ATAD2B: variants seen among roughly 807,000 people sequenced by gnomAD.
The protein encoded by ATAD2B is ATPase family AAA domain-containing protein 2B.
In ATAD2B, 40 loss-of-function variants were observed where a neutral mutation model predicts 167.6. That is an observed-to-expected ratio of 0.24 (90% CI 0.19 to 0.31). The LOEUF is 0.31. Among genes scored for constraint, ATAD2B ranks in the 10% least tolerant of loss-of-function variants. The pLI, the probability that ATAD2B is intolerant of heterozygous loss-of-function variation, is 1.00. For synonymous variants in ATAD2B, 579 were observed against 596.5 expected, an observed-to-expected ratio of 0.97 and a Z score of 0.43; for missense variants, 1,242 against 1,757.2, an observed-to-expected ratio of 0.71 and a Z score of 5.24.
At chr2:23,899,493 G>A (rs944115154) in intron 1 of ATAD2B, among the ~76,000 whole-genome samples, 5 of 152,140 alleles carry the variant, frequency 3.3e-5, no homozygotes, top group Admixed American at 1.3e-4. Context: ...TCAGCACAGG[G>A]TGGAAAATCA....
rs71310116 is a variant in ATAD2B, at chr2:23,878,025, A to AG, written c.902-2122_902-2121insC. ...ACCCTATCTCCAAAGAAAAAAAAAA[A>AG]AAAAAAAAAAAAAAGCAAAATGTAT... On this transcript the variant is annotated intron_variant, in intron 7 of 27. Transcript: ENST00000238789. Among the ~76,000 whole-genome samples the AG allele has an allele frequency of 1.8e-3, 188 of 106,972 alleles. 6 individuals carry two copies. The highest frequency in any genetic ancestry group is 2.7e-3 in the Non-Finnish European group (127 of 47,198). The allele number at this position is 106,972 out of a possible 152,430, so 70.2% of individuals were successfully genotyped here. A position where few individuals can be genotyped will look rare whatever the true frequency, so the allele number is the denominator to read the frequency against.
the ATAD2B span, chr2:23,703,245 C>G: frequency 6.5e-7 from 1 of 1,542,278 alleles, no homozygotes; most frequent in South Asian, 1.2e-5. Context: ...GCAGTACACT[C>G]TGCTGCAGCC....
Position 23,864,913 on chromosome 2 carries a change from A to G in ATAD2B, c.1200T>C (p.Asp400=). 1 of 1,583,660 alleles carries G rather than the reference A, an allele frequency of 6.3e-7. No individual in the cohort carries two copies. The highest frequency in any genetic ancestry group is 8.6e-7 in the Non-Finnish European group (1 of 1,166,868). Residue 400 remains aspartate, a synonymous_variant, in exon 11 of 28, where the codon GAT becomes GAC. Coordinates refer to ENST00000238789, the MANE Select transcript of ATAD2B (RefSeq NM_017552.4). ...PMNIDKSVRF[D]SIGGLSHHIH... ...TATGATGGCTCAATCCACCTATGCT[A>G]TCAAACCGTACCTTGGAAAGAAGGG...
intron 16 of ATAD2B, among the ~76,000 whole-genome samples, chr2:23,822,269 T>C (rs1048646103): frequency 1.3e-5 from 2 of 152,202 alleles, no homozygotes; most frequent in Non-Finnish European, 2.9e-5. Context: ...GCGCGATGAC[T>C]CACATCTCTA....
In ATAD2B at chr2:23,749,251, T is replaced by G. The variant is rs1446890268; in HGVS notation, c.*2795A>C. 1 of 151,850 alleles carries G rather than the reference T, an allele frequency of 6.6e-6. No homozygotes were observed. The highest frequency in any genetic ancestry group is 1.5e-5 in the Non-Finnish European group (1 of 67,944). 9.4% of individuals were successfully genotyped at this position (151,850 alleles called of 1,614,324 possible). Reference sequence around the variant, plus strand: ...GCCATCAGTTTCAACCCTAGTGCGGTTCCATCATCTTCAAAAAGCCCCCAG... The same window carrying G: ...GCCATCAGTTTCAACCCTAGTGCGGGTCCATCATCTTCAAAAAGCCCCCAG... On this transcript the variant is annotated 3_prime_UTR_variant, in exon 28 of 28. Coordinates refer to ENST00000238789, the MANE Select transcript of ATAD2B (RefSeq NM_017552.4).
intron 6 of ATAD2B, among the ~76,000 whole-genome samples, chr2:23,882,086 G>A (rs915822049): frequency 1.3e-5 from 2 of 152,150 alleles, no homozygotes; most frequent in South Asian, 2.1e-4. Context: ...CTAGCTGGAC[G>A]CAGAGGCACC....
At chr2:23,842,791 A>C (rs1013567681) in intron 13 of ATAD2B, among the ~76,000 whole-genome samples, 1 of 152,244 alleles carries the variant, frequency 6.6e-6, no homozygotes, top group African/African-American at 2.4e-5. Flanking sequence ...GATCTAGCTA[A>C]AGACAAAAGG....
At chr2:23,828,093 T>C (rs1484407122) in intron 15 of ATAD2B, among the ~76,000 whole-genome samples, 2 of 151,974 alleles carry the variant, frequency 1.3e-5, no homozygotes, top group African/African-American at 4.8e-5. Context: ...TTTATTTATA[T>C]TTTTCAGAGT....
intron 17 of ATAD2B, among the ~76,000 whole-genome samples, chr2:23,817,012 T>C (rs7423008): frequency 9.8e-4 from 150 of 152,338 alleles, no homozygotes; most frequent in African/African-American, 3.5e-3. Context: ...GAGCACCTTT[T>C]CTTCTGCATT....
intron 26 of ATAD2B, 32 bp downstream of exon 26, chr2:23,754,615 T>C (rs111710358): frequency 1.2e-5 from 20 of 1,600,440 alleles, no homozygotes; most frequent in African/African-American, 6.7e-5. Flanking sequence ...CGTCCATTCA[T>C]TTAAAACTTG....
intron 13 of ATAD2B, among the ~76,000 whole-genome samples, chr2:23,854,578 C>A (rs1356683076): frequency 6.7e-6 from 1 of 148,234 alleles, no homozygotes; most frequent in African/African-American, 2.5e-5. Flanking sequence ...CTCGGGGGGC[C>A]AAGGCAGGAG....
rs1227300066 is a variant in ATAD2B at position 23,875,849 on chromosome 2, T to C, written c.957A>G (p.Pro319=). 2.4e-5 allele frequency: 38 copies of C among 1,609,650 alleles called. No homozygotes were observed. The highest frequency in any genetic ancestry group is 3.1e-5 in the Non-Finnish European group (36 of 1,177,718). Residue 319 remains proline, a synonymous_variant, in exon 8 of 28, where the codon CCA becomes CCG. Transcript: ENST00000238789. ...CTTACCTAATATGGCTTCTTCTTGC[T>C]GGAGATCTATGAATATCAAACAGCG... ...ENTLFDIHRS[P]ARRSHIRRKK...
chr2:23,785,733 T>C (rs1680717393), intron 21 of ATAD2B: 1 of 236,606 alleles, frequency 4.2e-6, no homozygotes, highest in Admixed American at 5.5e-5. Flanking sequence ...GGAATAAAAA[T>C]AATCTAGTAT....
chr2:23,744,990 C>T (rs764159131), downstream of ATAD2B, among the ~76,000 whole-genome samples: 90 of 151,902 alleles, frequency 5.9e-4, no homozygotes, highest in Non-Finnish European at 1.2e-3. Flanking sequence ...ATGTTTATTC[C>T]TAGAAAAACT....
intron 23 of ATAD2B, among the ~76,000 whole-genome samples, chr2:23,762,921 C>A (rs574828637): frequency 2.0e-5 from 3 of 152,300 alleles, no homozygotes; most frequent in African/African-American, 7.2e-5. Context: ...TTACTCTAAT[C>A]TACACATTCC....
intron 21 of ATAD2B, among the ~76,000 whole-genome samples, chr2:23,784,368 C>T (rs947972278): frequency 6.6e-6 from 1 of 151,848 alleles, no homozygotes; most frequent in African/African-American, 2.4e-5. Flanking sequence ...CTTGTTTTCC[C>T]CTCTCTATCC....
chr2:23,907,372 C>T (rs2150489814), intron 1 of ATAD2B, among the ~76,000 whole-genome samples: 1 of 151,876 alleles, frequency 6.6e-6, no homozygotes, highest in East Asian at 1.9e-4. Flanking sequence ...TTCACAATTG[C>T]TTCAAAGAGA....
At chr2:23,784,587 C>G (rs963285801) in intron 21 of ATAD2B, among the ~76,000 whole-genome samples, 1 of 152,056 alleles carries the variant, frequency 6.6e-6, no homozygotes, top group Non-Finnish European at 1.5e-5. Flanking sequence ...TTTTCCTGAG[C>G]AAAAGCAAAA....
At chr2:23,722,565 G>T in the ATAD2B span, among the ~76,000 whole-genome samples, 59 of 152,182 alleles carry the variant, frequency 3.9e-4, no homozygotes, top group African/African-American at 1.4e-3. Flanking sequence ...AAAAAAGAAT[G>T]AAGAAGATTT....
Sources: gnomAD v4.1 joint callset for allele counts (sites outside exome capture counted in the v4.1 genomes callset) on GRCh38, gnomAD v4.1.1 for gene constraint, MANE v1.5 for transcripts, NCBI Gene and HGNC (gene_info 2026-07-23, HGNC 2026-07-21) for gene names.